The following PGCKA1 variants were observed in gnomAD, a reference collection of about 807,000 sequenced individuals.
PGCKA1 encodes the protein PDCD10 and GCKIII kinases associated 1.
chr4:37,545,312 AC>A, the PGCKA1 span, among the ~76,000 whole-genome samples: 8 of 151,198 alleles, frequency 5.3e-5, no homozygotes, highest in Non-Finnish European at 1.2e-4. Flanking sequence ...TTGGTATGAA[AC>A]CCCTGCCCTC....
At chr4:37,512,454 C>CTTT in the PGCKA1 span, among the ~76,000 whole-genome samples, 7,107 of 126,874 alleles carry the variant, frequency 0.056, 666 homozygotes, top group African/African-American at 0.15. Context: ...GTGTTGATTT[C>CTTT]TTTTTTTTTT....
the PGCKA1 span, among the ~76,000 whole-genome samples, chr4:37,531,210 C>A: frequency 2.8e-4 from 43 of 152,290 alleles, no homozygotes; most frequent in African/African-American, 9.4e-4. Context: ...CACATTCTTC[C>A]CCTTCTACAT....
At chr4:37,575,731 G>T in the PGCKA1 span, among the ~76,000 whole-genome samples, 1 of 152,004 alleles carries the variant, frequency 6.6e-6, no homozygotes, top group Non-Finnish European at 1.5e-5. Context: ...CATAGTGTGA[G>T]GTCTTAGATT....
At chr4:37,483,667 G>A in the PGCKA1 span, among the ~76,000 whole-genome samples, 1 of 152,364 alleles carries the variant, frequency 6.6e-6, no homozygotes, top group South Asian at 2.1e-4. Flanking sequence ...ATCAAAGATG[G>A]AGGTGTTAGT....
the PGCKA1 span, chr4:37,557,949 G>A: frequency 6.6e-6 from 1 of 152,126 alleles, no homozygotes; most frequent in Non-Finnish European, 1.5e-5. Context: ...GCTTCCTGCA[G>A]TCACACTCAC....
the PGCKA1 span, among the ~76,000 whole-genome samples, chr4:37,550,955 T>A: frequency 5.9e-5 from 9 of 152,014 alleles, no homozygotes; most frequent in Admixed American, 6.6e-5. Context: ...AAAGAAAAAA[T>A]TCACTCATTC....
chr4:37,481,619 C>T, the PGCKA1 span, among the ~76,000 whole-genome samples: 1 of 151,848 alleles, frequency 6.6e-6, no homozygotes, highest in Non-Finnish European at 1.5e-5. Flanking sequence ...TGTGTGTTGT[C>T]TGCATGTTCT....
At chr4:37,542,954 A>C in the PGCKA1 span, among the ~76,000 whole-genome samples, 1 of 152,202 alleles carries the variant, frequency 6.6e-6, no homozygotes, top group Non-Finnish European at 1.5e-5. Flanking sequence ...TAATTAATGC[A>C]AGTTAAATAA....
chr4:37,565,288 T>TC, the PGCKA1 span, among the ~76,000 whole-genome samples: 1 of 152,096 alleles, frequency 6.6e-6, no homozygotes, highest in Non-Finnish European at 1.5e-5. Context: ...AATGGGCTTC[T>TC]CCCCCCAAAA....
chr4:37,500,510 C>T, the PGCKA1 span, among the ~76,000 whole-genome samples: 1 of 152,200 alleles, frequency 6.6e-6, no homozygotes, highest in African/African-American at 2.4e-5. Flanking sequence ...AGTTATTTTG[C>T]ACTTGCTGAA....
chr4:37,543,513 A>G, the PGCKA1 span, among the ~76,000 whole-genome samples: 58 of 151,258 alleles, frequency 3.8e-4, no homozygotes, highest in East Asian at 0.011. Flanking sequence ...TATCTTTGGG[A>G]CACTTTAGTT....
At chr4:37,483,414 CTCT>C in the PGCKA1 span, among the ~76,000 whole-genome samples, 37 of 152,136 alleles carry the variant, frequency 2.4e-4, no homozygotes, top group African/African-American at 8.9e-4. Context: ...AGGCATAAAC[CTCT>C]TTTCTAGAGC....
At chr4:37,575,812 C>T in the PGCKA1 span, among the ~76,000 whole-genome samples, 4 of 152,136 alleles carry the variant, frequency 2.6e-5, no homozygotes, top group Non-Finnish European at 5.9e-5. Flanking sequence ...CATTCTTCTG[C>T]ATATGAATAT....
the PGCKA1 span, among the ~76,000 whole-genome samples, chr4:37,463,807 A>G: frequency 7.0e-6 from 1 of 143,646 alleles, no homozygotes; most frequent in South Asian, 2.2e-4. Flanking sequence ...ACTTTTATAT[A>G]ACCAAAAAAA....
At chr4:37,543,947 G>A in the PGCKA1 span, among the ~76,000 whole-genome samples, 307 of 152,106 alleles carry the variant, frequency 2.0e-3, 2 homozygotes, top group African/African-American at 7.1e-3. Context: ...CATCATCCTT[G>A]GTAATACTTT....
chr4:37,586,574 T>C, the PGCKA1 span, among the ~76,000 whole-genome samples: 1 of 152,170 alleles, frequency 6.6e-6, no homozygotes. Flanking sequence ...TTACTAGTTT[T>C]CTGTGCTGCT....
At chr4:37,474,536 G>T in the PGCKA1 span, among the ~76,000 whole-genome samples, 75 of 152,306 alleles carry the variant, frequency 4.9e-4, no homozygotes. Flanking sequence ...AAGAGGGAAT[G>T]ACATGAATAC....
chr4:37,507,740 T>C, the PGCKA1 span, among the ~76,000 whole-genome samples: 1 of 152,182 alleles, frequency 6.6e-6, no homozygotes, highest in East Asian at 1.9e-4. Flanking sequence ...TAATATTCTG[T>C]ATTTTTCTGT....
chr4:37,507,177 A>C, the PGCKA1 span, among the ~76,000 whole-genome samples: 1 of 152,106 alleles, frequency 6.6e-6, no homozygotes, highest in South Asian at 2.1e-4. Context: ...GTGTCTTTAT[A>C]AAAGAATTGT....
Sources: gnomAD v4.1 joint callset for allele counts (sites outside exome capture counted in the v4.1 genomes callset) on GRCh38, gnomAD v4.1.1 for gene constraint, MANE v1.5 for transcripts, NCBI Gene and HGNC (gene_info 2026-07-23, HGNC 2026-07-21) for gene names.